The following CEP70 variants were observed in gnomAD, a reference collection of about 807,000 sequenced individuals.
The protein encoded by CEP70 is centrosomal protein 70, also known as centrosomal protein of 70 kDa.
Under a neutral mutation model 90.9 loss-of-function variants are expected in CEP70, and 70 were observed. The ratio of observed to expected loss-of-function variants is 0.77; its 90% confidence interval spans 0.64 to 0.94. The LOEUF is 0.94. CEP70 is among the 40% of genes least tolerant of loss of function. CEP70 has a pLI of 0.00. For missense variants in CEP70, 648 were observed against 669.0 expected, an observed-to-expected ratio of 0.97 and a Z score of 0.35; for synonymous variants, 220 against 228.3, an observed-to-expected ratio of 0.96 and a Z score of 0.33.
chr3:138,576,833 A>G (rs2041560212), intron 2 of CEP70, among the ~76,000 whole-genome samples: 1 of 152,238 alleles, frequency 6.6e-6, no homozygotes, highest in Non-Finnish European at 1.5e-5. Flanking sequence ...GAAACTGAAC[A>G]ACCTGCTCCT....
chr3:138,547,530 T>TA (rs1237064611), intron 6 of CEP70, among the ~76,000 whole-genome samples: 1 of 152,242 alleles, frequency 6.6e-6, no homozygotes, highest in Non-Finnish European at 1.5e-5. Flanking sequence ...CCATAGATCT[T>TA]AGCAACCTCA....
Position 138,518,828 on chromosome 3 carries a change from C to T in CEP70, c.944+6662G>A, listed in dbSNP as rs146062468. Among the ~76,000 whole-genome samples the T allele has an allele frequency of 4.9e-3, 745 of 152,112 alleles. 5 individuals carry two copies. The highest frequency in any genetic ancestry group is 0.017 in the African/African-American group (712 of 41,476). Reference sequence around the variant, plus strand: ...TCACCAGCAATGGAACAAAGCTGGACGGAAAATGACTTTGACGAGTTGAGA... The same window carrying T: ...TCACCAGCAATGGAACAAAGCTGGATGGAAAATGACTTTGACGAGTTGAGA... On this transcript the variant is annotated intron_variant, in intron 11 of 17. Coordinates refer to ENST00000264982, the MANE Select transcript of CEP70 (RefSeq NM_024491.4).
At chr3:138,584,061 T>C (rs2041990303) in intron 2 of CEP70, among the ~76,000 whole-genome samples, 1 of 151,510 alleles carries the variant, frequency 6.6e-6, no homozygotes, top group African/African-American at 2.4e-5. Context: ...AGAGAAAAGA[T>C]TCAAAATCAG....
At position 138,532,552 on chromosome 3, in the gene CEP70, A is replaced by G; in HGVS notation, c.654T>C (p.Asp218=). 1 of 1,509,242 alleles carries G rather than the reference A, an allele frequency of 6.6e-7. No homozygotes were observed. The allele number at this position is 1,509,242 out of a possible 1,614,324, so 93.5% of individuals were successfully genotyped here. A position where few individuals can be genotyped will look rare whatever the true frequency, so the allele number is the denominator to read the frequency against. The change falls in exon 8 of 18, where the codon GAT becomes GAC. Residue 218 remains aspartate, a synonymous_variant. Transcript: ENST00000264982. ...TTTTTCTAATTTTAGATTCATAGTA[A>G]TCAATTAGACAAAGCAACCTAGAAA... ...VLDRQLLCLI[D]YYESKIRKIH...
At chr3:138,563,507 AC>A (rs1160361911) in intron 6 of CEP70, among the ~76,000 whole-genome samples, 1 of 152,240 alleles carries the variant, frequency 6.6e-6, no homozygotes. Flanking sequence ...CTCTCAGACC[AC>A]AGTGCAATCA....
At chr3:138,560,777 A>G (rs950544212) in intron 6 of CEP70, among the ~76,000 whole-genome samples, 5 of 152,058 alleles carry the variant, frequency 3.3e-5, no homozygotes, top group Admixed American at 6.6e-5. Flanking sequence ...GATGGAGCGC[A>G]CCACAGCTCA....
chr3:138,588,775 G>A (rs2042232550), intron 2 of CEP70, among the ~76,000 whole-genome samples: 2 of 152,166 alleles, frequency 1.3e-5, no homozygotes, highest in Non-Finnish European at 2.9e-5. Flanking sequence ...CACAAAGACT[G>A]TACACAAATG....
Position 138,572,941 on chromosome 3 carries a change from G to T in CEP70, c.-5-9C>A. The T allele has an allele frequency of 6.3e-7, 1 of 1,590,880 alleles. No individual in the cohort carries two copies. On this transcript the variant is annotated splice_polypyrimidine_tract_variant and intron_variant, in intron 2 of 17. Transcript: ENST00000264982. ...TACCGGAAACATAGTTACTTTTGTA[G>T]AATCAAAAGAAACAGAAATTGGCAA... is the stretch of plus-strand genomic sequence containing the variant.
At chr3:138,539,799 C>G (rs1035318518) in intron 6 of CEP70, among the ~76,000 whole-genome samples, 1 of 152,082 alleles carries the variant, frequency 6.6e-6, no homozygotes, top group African/African-American at 2.4e-5. Flanking sequence ...ATATAAACAT[C>G]CATGAACAGG....
chr3:138,537,124 CA>C, intron 7 of CEP70, 53 bp downstream of exon 7: 2 of 1,297,596 alleles, frequency 1.5e-6, no homozygotes, highest in Non-Finnish European at 2.0e-6. Context: ...GTAAAACAAA[CA>C]AACAAACACA....
At chr3:138,511,170 C>G (rs969347539) in intron 11 of CEP70, among the ~76,000 whole-genome samples, 4 of 152,190 alleles carry the variant, frequency 2.6e-5, no homozygotes, top group Non-Finnish European at 5.9e-5. Context: ...CGTGCCCCCC[C>G]AGTCCTAACA....
At chr3:138,498,481 C>T (rs370649791) in intron 16 of CEP70, among the ~76,000 whole-genome samples, 1 of 151,520 alleles carries the variant, frequency 6.6e-6, no homozygotes, top group Non-Finnish European at 1.5e-5. Flanking sequence ...TCCTGTAGTG[C>T]CTGCCACTAC....
chr3:138,585,906 A>G (rs1038232087), intron 2 of CEP70, among the ~76,000 whole-genome samples: 1 of 152,206 alleles, frequency 6.6e-6, no homozygotes, highest in East Asian at 1.9e-4. Context: ...ACTTAAATCT[A>G]AGCCCTCAAA....
At chr3:138,579,662 G>A (rs922760937) in intron 2 of CEP70, among the ~76,000 whole-genome samples, 1 of 151,728 alleles carries the variant, frequency 6.6e-6, no homozygotes, top group Non-Finnish European at 1.5e-5. Flanking sequence ...GTCCTGGCAG[G>A]ATTTATCATC....
chr3:138,589,913 C>T (rs971995569), intron 2 of CEP70, among the ~76,000 whole-genome samples: 8 of 151,950 alleles, frequency 5.3e-5, no homozygotes, highest in African/African-American at 1.7e-4. Flanking sequence ...TATTACTTCC[C>T]GAGGAATCTA....
chr3:138,525,145 T>A (rs1250996903), intron 11 of CEP70, among the ~76,000 whole-genome samples: 1 of 152,012 alleles, frequency 6.6e-6, no homozygotes, highest in Non-Finnish European at 1.5e-5. Context: ...ACCATCATTC[T>A]CAGCAAACTA....
chr3:138,528,535 C>T (rs1406452187), intron 10 of CEP70, among the ~76,000 whole-genome samples: 1 of 152,068 alleles, frequency 6.6e-6, no homozygotes, highest in Admixed American at 6.6e-5. Context: ...ATTTAATATT[C>T]CAAATTCCAG....
chr3:138,508,467 T>C lies in CEP70; in HGVS notation c.1022A>G (p.Gln341Arg), dbSNP rs2035200119. 6.2e-7 allele frequency: 1 copy of C among 1,611,270 alleles called. No homozygotes were observed. Reference protein sequence around the residue: ...KDEPSKYNQQQALIDQRYFQV... With the variant: ...KDEPSKYNQQRALIDQRYFQV... Reference sequence around the variant, plus strand: ...AAAGTATCTCTGGTCAATTAGGGCCTGTTGCTGATTATATTTGCTGGGCTC... The same window carrying C: ...AAAGTATCTCTGGTCAATTAGGGCCCGTTGCTGATTATATTTGCTGGGCTC... The change falls in exon 12 of 18, where the codon CAG (glutamine) becomes CGG (arginine). Residue 341 changes from glutamine (Q) to arginine (R), a missense_variant. Transcript: ENST00000264982.
chr3:138,509,390 G>A (rs1269138817), intron 11 of CEP70, among the ~76,000 whole-genome samples: 4 of 152,208 alleles, frequency 2.6e-5, no homozygotes, highest in African/African-American at 4.8e-5. Flanking sequence ...TCAAGAGGGC[G>A]TGGAGATCCA....
Sources: gnomAD v4.1 joint callset for allele counts (sites outside exome capture counted in the v4.1 genomes callset) on GRCh38, gnomAD v4.1.1 for gene constraint, MANE v1.5 for transcripts, NCBI Gene and HGNC (gene_info 2026-07-23, HGNC 2026-07-21) for gene names.